GRM8: variants seen among roughly 807,000 people sequenced by gnomAD.
The protein encoded by GRM8 is metabotropic glutamate receptor 8.
A neutral mutation model predicts 87.2 loss-of-function variants in GRM8; 47 were observed. That is an observed-to-expected ratio of 0.54 (90% CI 0.43 to 0.69). GRM8 has a LOEUF of 0.69. GRM8 is among the 30% of genes least tolerant of loss of function. The pLI is 0.00. For synonymous variants in GRM8, 396 were observed against 404.5 expected, an observed-to-expected ratio of 0.98 and a Z score of 0.25; for missense variants, 1,019 against 1,139.2, an observed-to-expected ratio of 0.89 and a Z score of 1.52.
chr7:126,724,054 A>G (rs776103379), intron 7 of GRM8, among the ~76,000 whole-genome samples: 8 of 152,096 alleles, frequency 5.3e-5, no homozygotes, highest in Non-Finnish European at 1.2e-4. Flanking sequence ...GAGGTGATTA[A>G]GTGATTATGT....
chr7:127,219,862 G>A (rs1051899693), intron 2 of GRM8, among the ~76,000 whole-genome samples: 2 of 152,086 alleles, frequency 1.3e-5, no homozygotes, highest in South Asian at 2.1e-4. Context: ...AGACCACCAC[G>A]GATCTGCTGA....
intron 3 of GRM8, among the ~76,000 whole-genome samples, chr7:127,066,240 G>A (rs776216473): frequency 2.6e-5 from 4 of 152,174 alleles, no homozygotes; most frequent in Non-Finnish European, 5.9e-5. Context: ...TAATTTAGTA[G>A]AGCAATAGAT....
chr7:126,774,838 G>T (rs918002623), intron 6 of GRM8, among the ~76,000 whole-genome samples: 3 of 152,082 alleles, frequency 2.0e-5, no homozygotes, highest in African/African-American at 7.2e-5. Flanking sequence ...GCAAAGCATT[G>T]CTTTCTAAGA....
At chr7:127,078,349 T>C (rs1406056349) in intron 3 of GRM8, among the ~76,000 whole-genome samples, 2 of 152,182 alleles carry the variant, frequency 1.3e-5, no homozygotes, top group Non-Finnish European at 2.9e-5. Flanking sequence ...GCAGCATAGA[T>C]CATTCCCTTT....
chr7:127,143,673 T>C (rs1025336988), intron 2 of GRM8, among the ~76,000 whole-genome samples: 7 of 152,134 alleles, frequency 4.6e-5, no homozygotes, highest in African/African-American at 1.7e-4. Flanking sequence ...ACAAAGGCCA[T>C]GTAGCTCCAC....
intron 2 of GRM8, among the ~76,000 whole-genome samples, chr7:127,172,702 C>G (rs1281544858): frequency 3.2e-5 from 4 of 123,240 alleles, no homozygotes; most frequent in African/African-American, 1.4e-4. Flanking sequence ...GTGCGAGACT[C>G]CGTCTCAAAA....
chr7:126,945,675 G>A (rs937069702), intron 3 of GRM8, among the ~76,000 whole-genome samples: 9 of 152,242 alleles, frequency 5.9e-5, no homozygotes, highest in African/African-American at 2.2e-4. Flanking sequence ...TCTAACATTT[G>A]AAAGAAATTG....
intron 3 of GRM8, among the ~76,000 whole-genome samples, chr7:126,942,301 C>T (rs1173051517): frequency 6.6e-6 from 1 of 152,146 alleles, no homozygotes; most frequent in Non-Finnish European, 1.5e-5. Flanking sequence ...GGCCTACATG[C>T]TATTATTTTT....
chr7:126,867,712 AGAG>A (rs906846030), intron 6 of GRM8, among the ~76,000 whole-genome samples: 3 of 152,206 alleles, frequency 2.0e-5, no homozygotes, highest in African/African-American at 7.2e-5. Context: ...GAGGAAAGCC[AGAG>A]AAGAACAGAA....
rs543401660 is a variant in GRM8 at position 127,061,215 on chromosome 7, T to A, written c.727+45281A>T. The stretch of plus-strand genomic sequence containing the variant: ...AATAATTTTCTTTAAATCATTGAAT[T>A]CACAGAAAGGAAGGGGTAAAAGTAC... On this transcript the variant is annotated intron_variant, in intron 3 of 10. Transcript: ENST00000339582. Among the ~76,000 whole-genome samples the A allele has an allele frequency of 1.4e-3, 207 of 152,324 alleles. 1 individual carries two copies. Among genetic ancestry groups the A allele is most frequent in the African/African-American group, 4.9e-3 (203 of 41,564 alleles).
At chr7:126,857,748 A>G (rs1229413375) in intron 6 of GRM8, among the ~76,000 whole-genome samples, 1 of 152,084 alleles carries the variant, frequency 6.6e-6, no homozygotes, top group Non-Finnish European at 1.5e-5. Flanking sequence ...CCTATGTTCT[A>G]TTATATTACT....
At chr7:127,163,856 C>A (rs764440855) in intron 2 of GRM8, among the ~76,000 whole-genome samples, 1 of 152,046 alleles carries the variant, frequency 6.6e-6, no homozygotes, top group Non-Finnish European at 1.5e-5. Flanking sequence ...TTTAAGCACC[C>A]CTTTGGGAGA....
intron 9 of GRM8, among the ~76,000 whole-genome samples, chr7:126,470,774 C>A (rs1012022197): frequency 6.6e-6 from 1 of 152,154 alleles, no homozygotes; most frequent in Non-Finnish European, 1.5e-5. Context: ...ACACTGATTT[C>A]CACAATGGTT....
At chr7:126,876,545 T>C (rs1191161902) in intron 6 of GRM8, among the ~76,000 whole-genome samples, 1 of 152,184 alleles carries the variant, frequency 6.6e-6, no homozygotes, top group Non-Finnish European at 1.5e-5. Context: ...TTACTTGTTT[T>C]TGAGGTATCC....
intron 7 of GRM8, among the ~76,000 whole-genome samples, chr7:126,671,600 T>C (rs57534256): frequency 0.54 from 82,731 of 152,020 alleles, 22,891 homozygotes; most frequent in Non-Finnish European, 0.56. Flanking sequence ...AACCAACCAC[T>C]GATCCCCAGC....
intron 3 of GRM8, among the ~76,000 whole-genome samples, chr7:127,089,000 T>G (rs1397566302): frequency 6.6e-6 from 1 of 152,222 alleles, no homozygotes; most frequent in African/African-American, 2.4e-5. Context: ...GGTGCTGTAT[T>G]GGGTTGAACT....
chr7:126,730,384 T>C (rs889630518), intron 7 of GRM8, among the ~76,000 whole-genome samples: 4 of 152,166 alleles, frequency 2.6e-5, no homozygotes, highest in African/African-American at 4.8e-5. Context: ...GATCCAAGAT[T>C]AGAGATGCTC....
intron 6 of GRM8, among the ~76,000 whole-genome samples, chr7:126,778,644 T>C (rs1031819788): frequency 1.3e-5 from 2 of 152,176 alleles, no homozygotes; most frequent in African/African-American, 4.8e-5. Context: ...AAATAATTTA[T>C]AAAACTTGAT....
At chr7:126,680,235 C>G (rs1807402921) in intron 7 of GRM8, among the ~76,000 whole-genome samples, 1 of 152,102 alleles carries the variant, frequency 6.6e-6, no homozygotes, top group East Asian at 1.9e-4. Context: ...AACTGTCAAT[C>G]TCATTGACAG....
Sources: allele counts gnomAD v4.1 joint callset (sites outside exome capture counted in the v4.1 genomes callset), GRCh38; gene constraint gnomAD v4.1.1; transcripts MANE v1.5; gene names NCBI Gene and HGNC (gene_info 2026-07-23, HGNC 2026-07-21).